C4BPA: variants seen among roughly 807,000 people sequenced by gnomAD.
C4BPA encodes complement component 4 binding protein alpha.
A neutral mutation model predicts 63.7 loss-of-function variants in C4BPA; 31 were observed. The observed-to-expected ratio is 0.49, with a 90% CI of 0.37 to 0.66. C4BPA has a LOEUF of 0.66. C4BPA is among the 30% of genes least tolerant of loss of function. C4BPA has a pLI of 0.00. For synonymous variants in C4BPA, 259 were observed against 254.7 expected (o/e 1.02, Z -0.16); for missense variants, 572 against 723.3 (o/e 0.79, Z 2.40).
intron 9 of C4BPA, among the ~76,000 whole-genome samples, chr1:207,135,759 C>A (rs1329109832): frequency 6.6e-6 from 1 of 152,210 alleles, no homozygotes; most frequent in African/African-American, 2.4e-5. Context: ...CATTGCCTCC[C>A]AGCTGGCACT....
chr1:207,117,290 A>T (rs978746949), intron 4 of C4BPA, among the ~76,000 whole-genome samples: 60 of 152,220 alleles, frequency 3.9e-4, no homozygotes, highest in African/African-American at 1.3e-3. Flanking sequence ...TCTCTACAAG[A>T]AATTAAAAAC....
At chr1:207,123,197 A>G (rs1233046344) in intron 4 of C4BPA, among the ~76,000 whole-genome samples, 5 of 152,218 alleles carry the variant, frequency 3.3e-5, no homozygotes, top group Non-Finnish European at 7.3e-5. Flanking sequence ...AAGAAATTTT[A>G]AAGTAAAGAA....
chr1:207,126,942 A>AC lies in C4BPA; in HGVS notation c.889+51dup, dbSNP rs2102343531. 2.0e-6 allele frequency: 3 copies of AC among 1,471,024 alleles called. No individual in the cohort carries two copies. The East Asian group carries it at 6.9e-5, about 34-fold the overall frequency. The allele number at this position is 1,471,024 out of a possible 1,614,324, so 91.1% of individuals were successfully genotyped here. On this transcript the variant is annotated intron_variant, in intron 7 of 11. Transcript: ENST00000367070. ...ATTTCAATGTTTGGCATCTAAAGGT[A>AC]CCCCGTACTGTTAATACGGGTATAC...
intron 10 of C4BPA, among the ~76,000 whole-genome samples, chr1:207,142,355 T>C (rs947382705): frequency 1.3e-4 from 20 of 152,156 alleles, no homozygotes; most frequent in Admixed American, 7.2e-4. Context: ...GTCTTTGCTA[T>C]TGTGAATAGT....
At chr1:207,123,839 T>C (rs1684971184) in intron 4 of C4BPA, 83 bp from the exon 5 acceptor site, 3 of 746,974 alleles carry the variant, frequency 4.0e-6, no homozygotes, top group Admixed American at 2.4e-5. Flanking sequence ...TAATATTGAG[T>C]AACAATTCTA....
At chr1:207,118,907 G>A (rs533134110) in intron 4 of C4BPA, among the ~76,000 whole-genome samples, 1 of 152,000 alleles carries the variant, frequency 6.6e-6, no homozygotes, top group Admixed American at 6.6e-5. Flanking sequence ...CTTGACATAG[G>A]TGTGGGAGAT....
intron 4 of C4BPA, among the ~76,000 whole-genome samples, chr1:207,121,805 A>T (rs1329661944): frequency 6.6e-6 from 1 of 152,086 alleles, no homozygotes; most frequent in African/African-American, 2.4e-5. Flanking sequence ...CTTGTTATAA[A>T]CAACAATAAA....
At chr1:207,144,076 A>G (rs1685480501) in intron 11 of C4BPA, 83 bp downstream of exon 11, 1 of 969,514 alleles carries the variant, frequency 1.0e-6, no homozygotes, top group Non-Finnish European at 1.5e-6. Flanking sequence ...CCACTCAACA[A>G]TGGTGAAATC....
rs1222688687 is a variant in C4BPA at position 207,129,409 on chromosome 1, G to T, written c.890-2137G>T. 2.4e-4 allele frequency among the ~76,000 whole-genome samples: 5 copies of T among 20,954 alleles called. 1 individual carries two copies. The Admixed American group carries it at 3.2e-3, about 14-fold the overall frequency. 13.7% of individuals were successfully genotyped at this position (20,954 alleles called of 152,430 possible). On this transcript the variant is annotated intron_variant, in intron 7 of 11. Transcript: ENST00000367070. ...AAATGGCTGAAAATATCACAAATTT[G>T]ACCAAAAAAAAAAAAAACCCAAACA... is the stretch of plus-strand genomic sequence containing the variant.
At chr1:207,131,865 A>T in intron 8 of C4BPA, 125 bp downstream of exon 8, 1 of 674,080 alleles carries the variant, frequency 1.5e-6, no homozygotes, top group African/African-American at 1.8e-5. Flanking sequence ...TCAACAGATT[A>T]GTAAACTGTT....
chr1:207,141,212 G>C lies in C4BPA; in HGVS notation c.1380G>C (p.Leu460=). Residue 460 remains leucine, a synonymous_variant, in exon 10 of 12, where the codon CTG becomes CTC. Transcript: ENST00000367070. ...ATGAATGTGATAAAGGCTACATTCT[G>C]GTCGGACAGGCGAAACTCTCCTGCA... The part of the protein sequence containing the change: ...IIYECDKGYI[L]VGQAKLSCSY... 1 of 1,613,676 alleles carries C rather than the reference G, an allele frequency of 6.2e-7. No homozygotes were observed. The highest frequency in any genetic ancestry group is 8.5e-7 in the Non-Finnish European group (1 of 1,179,738).
intron 1 of C4BPA, among the ~76,000 whole-genome samples, chr1:207,106,099 G>T (rs1283454356): frequency 6.6e-6 from 1 of 152,114 alleles, no homozygotes; most frequent in Non-Finnish European, 1.5e-5. Flanking sequence ...CTTAGACTGT[G>T]GTATTGCTGG....
At chr1:207,115,279 G>C (rs1684760925) in intron 3 of C4BPA, 137 bp from the exon 4 acceptor site, 7 of 552,264 alleles carry the variant, frequency 1.3e-5, no homozygotes, top group African/African-American at 2.0e-5. Flanking sequence ...GGTGAGTCAG[G>C]GTTAGAAATA....
Position 207,144,720 on chromosome 1 carries a change from T to C in C4BPA, c.*3T>C. 1 of 1,591,642 alleles carries C rather than the reference T, an allele frequency of 6.3e-7. No individual in the cohort carries two copies. The highest frequency in any genetic ancestry group is 1.7e-5 in the Admixed American group (1 of 57,356). Reference sequence around the variant, plus strand: ...CCACTTTGGATAAAGAACTATAATTTTTCTCAAAAGAAGGAGGAAAAGGTG... The same window carrying C: ...CCACTTTGGATAAAGAACTATAATTCTTCTCAAAAGAAGGAGGAAAAGGTG... On this transcript the variant is annotated 3_prime_UTR_variant, in exon 12 of 12. Coordinates refer to ENST00000367070, the MANE Select transcript of C4BPA (RefSeq NM_000715.4).
chr1:207,116,046 AGAG>A (rs1684778868), intron 4 of C4BPA, among the ~76,000 whole-genome samples: 1 of 152,236 alleles, frequency 6.6e-6, no homozygotes, highest in Non-Finnish European at 1.5e-5. Context: ...ATAGCTTCCT[AGAG>A]GAGGCCTTTC....
intron 11 of C4BPA, 48 bp from the exon 12 acceptor site, chr1:207,144,493 TATG>T: frequency 6.7e-7 from 1 of 1,497,600 alleles, no homozygotes; most frequent in Non-Finnish European, 9.0e-7. Context: ...CACCCTCCTT[TATG>T]ATTAGAAGAG....
At chr1:207,142,539 T>G (rs1013583597) in intron 10 of C4BPA, among the ~76,000 whole-genome samples, 1 of 152,122 alleles carries the variant, frequency 6.6e-6, no homozygotes, top group Non-Finnish European at 1.5e-5. Context: ...CCACCAACAG[T>G]GTAAAAGCAT....
chr1:207,122,429 A>G (rs189971773), intron 4 of C4BPA, among the ~76,000 whole-genome samples: 2 of 152,092 alleles, frequency 1.3e-5, no homozygotes, highest in Non-Finnish European at 2.9e-5. Context: ...GACTATCTAA[A>G]TTATTATTCT....
intron 1 of C4BPA, among the ~76,000 whole-genome samples, chr1:207,107,169 A>G (rs900833531): frequency 6.6e-6 from 1 of 152,230 alleles, no homozygotes; most frequent in Non-Finnish European, 1.5e-5. Flanking sequence ...AATAGTGAGT[A>G]AAGGAATAGT....
Sources: gnomAD v4.1 joint callset for allele counts (sites outside exome capture counted in the v4.1 genomes callset) on GRCh38, gnomAD v4.1.1 for gene constraint, MANE v1.5 for transcripts, NCBI Gene and HGNC (gene_info 2026-07-23, HGNC 2026-07-21) for gene names.